LAMA2: variants seen among roughly 807,000 people sequenced by gnomAD.
LAMA2 encodes the protein laminin subunit alpha-2.
LAMA2 carries 269 observed loss-of-function variants against 364.8 expected under a neutral mutation model. The observed-to-expected ratio is 0.74, with a 90% CI of 0.67 to 0.82. The LOEUF (loss-of-function observed/expected upper bound fraction) is 0.82, where lower values mean the gene tolerates loss of function less well. LAMA2 is among the 40% of genes least tolerant of loss of function. The pLI is 0.00. For missense variants in LAMA2, 3,807 were observed against 3,873.2 expected, an observed-to-expected ratio of 0.98 and a Z score of 0.45; for synonymous variants, 1,379 against 1,370.6, an observed-to-expected ratio of 1.01 and a Z score of -0.14.
chr6:128,888,410 A>C (rs1258091818), intron 1 of LAMA2, among the ~76,000 whole-genome samples: 1 of 152,244 alleles, frequency 6.6e-6, no homozygotes, highest in Non-Finnish European at 1.5e-5. Context: ...GACTATGATG[A>C]ATATATGATG....
chr6:128,906,952 G>A (rs1432019181), intron 1 of LAMA2, among the ~76,000 whole-genome samples: 6 of 151,714 alleles, frequency 4.0e-5, no homozygotes, highest in Non-Finnish European at 8.8e-5. Context: ...TTGTAGATAT[G>A]CAGTGTTATT....
rs1361192597 is a variant in LAMA2, at chr6:129,491,851, G to A, written c.7899-50G>A. ...GCAGGAAAGAATTTGATTTCCAACT[G>A]TATTGAATCAGATGTGACTTATACT... On this transcript the variant is annotated intron_variant, in intron 56 of 64. Transcript: ENST00000421865. 4 of 1,416,724 alleles carry A rather than the reference G, an allele frequency of 2.8e-6. No homozygotes were observed. In the African/African-American group the frequency reaches 5.7e-5, roughly 20 times the overall value. 87.8% of individuals were successfully genotyped at this position (1,416,724 alleles called of 1,614,324 possible).
intron 4 of LAMA2, among the ~76,000 whole-genome samples, chr6:129,118,994 G>C (rs1583074405): frequency 6.6e-6 from 1 of 152,294 alleles, no homozygotes; most frequent in East Asian, 1.9e-4. Flanking sequence ...GTGCAAAATT[G>C]TATAACGCAA....
chr6:128,949,554 GAAGA>G (rs372948703), intron 1 of LAMA2, among the ~76,000 whole-genome samples: 29 of 152,216 alleles, frequency 1.9e-4, no homozygotes, highest in African/African-American at 2.4e-4. Flanking sequence ...AGAGAGAAAG[GAAGA>G]AAGAAAGGAG....
intron 40 of LAMA2, among the ~76,000 whole-genome samples, chr6:129,424,756 T>C (rs1224019028): frequency 1.3e-5 from 2 of 152,058 alleles, no homozygotes; most frequent in Non-Finnish European, 2.9e-5. Flanking sequence ...ACACTGGTGA[T>C]GGGAATATAA....
intron 1 of LAMA2, among the ~76,000 whole-genome samples, chr6:129,047,306 T>G (rs1036017638): frequency 6.6e-6 from 1 of 152,216 alleles, no homozygotes. Context: ...AACCAACAAT[T>G]ACATTAGCTT....
chr6:129,359,325 A>G (rs867912581), intron 32 of LAMA2, among the ~76,000 whole-genome samples: 104 of 149,604 alleles, frequency 7.0e-4, no homozygotes, highest in African/African-American at 2.4e-3. Flanking sequence ...CACATATCAT[A>G]AAACATATAT....
At chr6:129,356,646 G>A (rs1363933993) in intron 32 of LAMA2, among the ~76,000 whole-genome samples, 1 of 152,102 alleles carries the variant, frequency 6.6e-6, no homozygotes. Context: ...GAAAGCAAAC[G>A]TGGTTTAGCC....
chr6:128,969,883 G>A (rs1233332813), intron 1 of LAMA2, among the ~76,000 whole-genome samples: 1 of 152,212 alleles, frequency 6.6e-6, no homozygotes, highest in Non-Finnish European at 1.5e-5. Context: ...CTAATGTTGT[G>A]TGAAGATCAA....
intron 3 of LAMA2, among the ~76,000 whole-genome samples, chr6:129,064,587 G>T (rs1035015737): frequency 6.6e-6 from 1 of 151,764 alleles, no homozygotes; most frequent in Non-Finnish European, 1.5e-5. Flanking sequence ...ATTGAAAGAG[G>T]AGACATTACT....
intron 29 of LAMA2, among the ~76,000 whole-genome samples, chr6:129,329,461 A>G (rs1775496166): frequency 6.6e-6 from 1 of 152,048 alleles, no homozygotes; most frequent in South Asian, 2.1e-4. Context: ...TCCCGGGTTC[A>G]AGTGATTCTC....
intron 54 of LAMA2, among the ~76,000 whole-genome samples, chr6:129,480,384 C>T (rs1583849182): frequency 6.6e-6 from 1 of 151,972 alleles, no homozygotes; most frequent in African/African-American, 2.4e-5. Context: ...CTAGCAAATT[C>T]ATAAAGTAGA....
chr6:129,123,370 GAT>G (rs139516848), intron 4 of LAMA2, among the ~76,000 whole-genome samples: 50 of 145,538 alleles, frequency 3.4e-4, no homozygotes, highest in Admixed American at 7.5e-4. Flanking sequence ...ATGTGTGTGA[GAT>G]ATATATATAT....
rs753232836 is a variant in LAMA2 at position 129,250,121 on chromosome 6, G to A, written c.1792G>A (p.Val598Ile). 6 of 1,596,976 alleles carry A rather than the reference G, an allele frequency of 3.8e-6. No homozygotes were observed. The highest frequency in any genetic ancestry group is 5.2e-6 in the Non-Finnish European group (6 of 1,164,754). The change falls in exon 13 of 65, where the codon GTA becomes ATA. Residue 598 changes from valine (V) to isoleucine (I), a missense_variant. Around this residue, in one of 3 missense-constraint regions of LAMA2, gnomAD observed 3,333 missense variants for 3,345.7 expected, o/e 1.00. Coordinates refer to ENST00000421865, the MANE Select transcript of LAMA2 (RefSeq NM_000426.4). The part of the protein sequence containing the change: ...APYLGNKLPA[V>I]GGQLTFTISY... ...ATCTTCTGTCTTGTAGCTCCCAGCA[G>A]TAGGAGGACAGTTGACATTTACCAT... is the stretch of plus-strand genomic sequence containing the variant.
chr6:129,236,941 G>A (rs1770334880), intron 12 of LAMA2, among the ~76,000 whole-genome samples: 1 of 152,110 alleles, frequency 6.6e-6, no homozygotes, highest in Admixed American at 6.5e-5. Flanking sequence ...TTGAATGAAT[G>A]CACTCAAACG....
intron 47 of LAMA2, among the ~76,000 whole-genome samples, chr6:129,455,166 A>T (rs1782887901): frequency 6.6e-6 from 1 of 152,094 alleles, no homozygotes; most frequent in African/African-American, 2.4e-5. Context: ...CAGGAATTCA[A>T]GGCTGTGGTC....
chr6:129,152,638 C>A (rs1778874005), intron 7 of LAMA2, among the ~76,000 whole-genome samples: 1 of 152,068 alleles, frequency 6.6e-6, no homozygotes, highest in Non-Finnish European at 1.5e-5. Context: ...TAAAGTGATG[C>A]TAGGACTCGA....
intron 64 of LAMA2, among the ~76,000 whole-genome samples, chr6:129,514,823 T>C (rs1786906544): frequency 6.6e-6 from 1 of 152,200 alleles, no homozygotes; most frequent in South Asian, 2.1e-4. Flanking sequence ...CCCCAAAGTT[T>C]CCTTCGTGGA....
At chr6:129,209,236 G>C (rs1782923053) in intron 12 of LAMA2, among the ~76,000 whole-genome samples, 1 of 152,172 alleles carries the variant, frequency 6.6e-6, no homozygotes, top group South Asian at 2.1e-4. Flanking sequence ...TTCAAGACAA[G>C]TACAGGGATG....
Sources: allele counts gnomAD v4.1 joint callset (sites outside exome capture counted in the v4.1 genomes callset), GRCh38; gene constraint gnomAD v4.1.1; regional missense constraint gnomAD v4.1.1; transcripts MANE v1.5; gene names NCBI Gene and HGNC (gene_info 2026-07-23, HGNC 2026-07-21).